The following TMEM132B variants were observed in gnomAD, a reference collection of about 807,000 sequenced individuals.
TMEM132B encodes the protein transmembrane protein 132B.
In TMEM132B, 18 loss-of-function variants were observed where a neutral mutation model predicts 90.8. The observed-to-expected ratio is 0.20, with a 90% CI of 0.14 to 0.29. The LOEUF (loss-of-function observed/expected upper bound fraction) is 0.29, where lower values mean the gene tolerates loss of function less well. Among genes scored for constraint, TMEM132B ranks in the 10% least tolerant of loss-of-function variants. The probability of loss-of-function intolerance (pLI) is 1.00; values close to 1 mark genes in which losing one functional copy is unlikely to be tolerated. For synonymous variants in TMEM132B, 504 were observed against 523.3 expected (o/e 0.96, Z 0.50); for missense variants, 1,096 against 1,326.8 (o/e 0.83, Z 2.70).
rs200423306 is a variant in TMEM132B, at chr12:125,653,890, T to C, written c.2432T>C (p.Ile811Thr). ...GGAGGCAGCAATGATATTGAGGGCA[T>C]AAATCGGGAATATAAAGACCACCTC... is the stretch of plus-strand genomic sequence containing the variant. Reference protein sequence around the residue: ...HQGGSNDIEGINREYKDHLSN... With the variant: ...HQGGSNDIEGTNREYKDHLSN... The change falls in exon 9 of 9, where the codon ATA becomes ACA. Residue 811 changes from isoleucine to threonine, a missense_variant. Coordinates refer to ENST00000682704, the MANE Select transcript of TMEM132B (RefSeq NM_001366854.1). The C allele has an allele frequency of 6.2e-7, 1 of 1,614,110 alleles. No individual in the cohort carries two copies. The highest frequency in any genetic ancestry group is 8.5e-7 in the Non-Finnish European group (1 of 1,180,026).
At chr12:125,244,003 G>A (rs1874150763) in intron 1 of TMEM132B, among the ~76,000 whole-genome samples, 1 of 152,134 alleles carries the variant, frequency 6.6e-6, no homozygotes, top group Non-Finnish European at 1.5e-5. Context: ...CTTGTCAATG[G>A]AATCACACAC....
chr12:125,464,052 C>T (rs1338624397), intron 3 of TMEM132B, among the ~76,000 whole-genome samples: 1 of 152,220 alleles, frequency 6.6e-6, no homozygotes, highest in Non-Finnish European at 1.5e-5. Flanking sequence ...AGTCCCCCCT[C>T]TCCAGATCCC....
rs1419516764 is a variant in TMEM132B at position 125,648,707 on chromosome 12, G to A, written c.1644-1976G>A. ...TGATGTATTCATTGACCATTGTTATGATACTGCCACATTTTAGTGAAACAC... is the reference window on the plus strand; with the variant it reads ...TGATGTATTCATTGACCATTGTTATAATACTGCCACATTTTAGTGAAACAC... On this transcript the variant is annotated intron_variant, in intron 6 of 8. Coordinates refer to ENST00000682704, the MANE Select transcript of TMEM132B (RefSeq NM_001366854.1). Among the ~76,000 whole-genome samples, 19 of 152,074 alleles carry A rather than the reference G, an allele frequency of 1.2e-4. 1 individual carries two copies. Among genetic ancestry groups the A allele is most frequent in the Admixed American group, 1.1e-3 (17 of 15,272 alleles).
intron 3 of TMEM132B, among the ~76,000 whole-genome samples, chr12:125,512,106 G>C (rs1035461071): frequency 3.9e-5 from 6 of 152,152 alleles, no homozygotes; most frequent in African/African-American, 1.4e-4. Flanking sequence ...TGCAAAAGGT[G>C]CCTACTAGGG....
chr12:125,312,614 G>A (rs1876149433), intron 1 of TMEM132B, among the ~76,000 whole-genome samples: 1 of 152,210 alleles, frequency 6.6e-6, no homozygotes. Flanking sequence ...GGAGCCTGCT[G>A]GGCTGATGGA....
intron 4 of TMEM132B, among the ~76,000 whole-genome samples, chr12:125,575,765 G>T (rs1488956984): frequency 6.6e-6 from 1 of 151,834 alleles, no homozygotes; most frequent in African/African-American, 2.4e-5. Context: ...ACCCAACTTT[G>T]TTCTTTTTTA....
intron 3 of TMEM132B, among the ~76,000 whole-genome samples, chr12:125,471,377 G>A (rs1337723085): frequency 6.6e-6 from 1 of 152,192 alleles, no homozygotes; most frequent in African/African-American, 2.4e-5. Flanking sequence ...TACCAGAGTT[G>A]TCATTAAATC....
At position 125,641,010 on chromosome 12, in the gene TMEM132B, G is replaced by A. The variant is rs1886617599; in HGVS notation, c.1438-3066G>A. Reference sequence around the variant, plus strand: ...AAAAGAAATATTGAAGTTTGGAAGTGTTAGGTGACTTGTCTGAGGCTGCCT... The same window carrying A: ...AAAAGAAATATTGAAGTTTGGAAGTATTAGGTGACTTGTCTGAGGCTGCCT... On this transcript the variant is annotated intron_variant, in intron 5 of 8. Coordinates refer to ENST00000682704, the MANE Select transcript of TMEM132B (RefSeq NM_001366854.1). 1.3e-5 allele frequency among the ~76,000 whole-genome samples: 2 copies of A among 152,070 alleles called. 1 individual carries two copies. The highest frequency in any genetic ancestry group is 4.8e-5 in the African/African-American group (2 of 41,384).
At chr12:125,355,749 G>A (rs746605845) in intron 2 of TMEM132B, among the ~76,000 whole-genome samples, 3 of 152,162 alleles carry the variant, frequency 2.0e-5, no homozygotes, top group Admixed American at 1.3e-4. Flanking sequence ...AGATCAAAGC[G>A]TGAATGTGCA....
chr12:125,243,800 A>G (rs943460990), intron 1 of TMEM132B, among the ~76,000 whole-genome samples: 3 of 152,044 alleles, frequency 2.0e-5, no homozygotes, highest in African/African-American at 7.3e-5. Flanking sequence ...AAGTGTAACC[A>G]TGCAGTATTT....
At chr12:125,237,645 C>T (rs1167340473) in intron 1 of TMEM132B, among the ~76,000 whole-genome samples, 2 of 152,116 alleles carry the variant, frequency 1.3e-5, no homozygotes, top group Non-Finnish European at 2.9e-5. Context: ...GATGGGGTTT[C>T]ACCGTGTTGG....
At chr12:125,325,556 C>T (rs1876536294) in intron 1 of TMEM132B, among the ~76,000 whole-genome samples, 2 of 152,130 alleles carry the variant, frequency 1.3e-5, no homozygotes, top group African/African-American at 4.8e-5. Context: ...AGAGATTTGA[C>T]ATTTTTGCGG....
chr12:125,274,760 G>T (rs929024830), intron 1 of TMEM132B, among the ~76,000 whole-genome samples: 2 of 152,212 alleles, frequency 1.3e-5, no homozygotes, highest in South Asian at 2.1e-4. Context: ...TCCTAAGGGC[G>T]ACCTAAAGAC....
intron 2 of TMEM132B, among the ~76,000 whole-genome samples, chr12:125,381,470 G>T (rs1283696220): frequency 6.6e-6 from 1 of 152,190 alleles, no homozygotes; most frequent in East Asian, 1.9e-4. Context: ...AAAATGGGGA[G>T]GCTAAAGAGT....
chr12:125,292,158 G>A (rs1333750260), intron 1 of TMEM132B, among the ~76,000 whole-genome samples: 1 of 152,158 alleles, frequency 6.6e-6, no homozygotes, highest in Non-Finnish European at 1.5e-5. Context: ...TTTCAAGCAG[G>A]TAGTGACTTC....
intron 1 of TMEM132B, among the ~76,000 whole-genome samples, chr12:125,196,528 C>T (rs1297189200): frequency 1.3e-5 from 2 of 152,106 alleles, no homozygotes; most frequent in Non-Finnish European, 2.9e-5. Context: ...GCCAACATAG[C>T]GAAACCCCAT....
chr12:125,605,033 G>C (rs1885659886), intron 5 of TMEM132B, among the ~76,000 whole-genome samples: 1 of 152,166 alleles, frequency 6.6e-6, no homozygotes, highest in Admixed American at 6.5e-5. Context: ...TTTGGACTAA[G>C]AAACACAAAA....
At chr12:125,491,296 A>T (rs1319322832) in intron 3 of TMEM132B, among the ~76,000 whole-genome samples, 2 of 151,702 alleles carry the variant, frequency 1.3e-5, no homozygotes, top group Non-Finnish European at 2.9e-5. Context: ...TTTTTAATTT[A>T]AAAAATTTAT....
intron 8 of TMEM132B, 35 bp downstream of exon 8, chr12:125,652,667 TG>T (rs749985549): frequency 1.3e-6 from 2 of 1,578,782 alleles, no homozygotes; most frequent in South Asian, 2.4e-5. Context: ...CCTTGGTCAG[TG>T]GGGATGACTT....
Sources: gnomAD v4.1 joint callset for allele counts (sites outside exome capture counted in the v4.1 genomes callset) on GRCh38, gnomAD v4.1.1 for gene constraint, MANE v1.5 for transcripts, NCBI Gene and HGNC (gene_info 2026-07-23, HGNC 2026-07-21) for gene names.